Variants in MNS1 observed in about 807,000 individuals in gnomAD.
MNS1 encodes meiosis specific nuclear structural 1.
MNS1 carries 63 observed loss-of-function variants against 72.0 expected under a neutral mutation model. The ratio of observed to expected loss-of-function variants is 0.87; its 90% CI spans 0.71 to 1.08. The LOEUF is 1.08. MNS1 is among the 50% of genes least tolerant of loss of function. The pLI, the probability that MNS1 is intolerant of heterozygous loss-of-function variation, is 0.00. For missense variants in MNS1, 604 were observed against 562.4 expected (o/e 1.07, Z -0.75); for synonymous variants, 188 against 172.1 (o/e 1.09, Z -0.72).
intron 8 of MNS1, 96 bp downstream of exon 8, chr15:56,434,042 G>T: frequency 7.6e-7 from 1 of 1,309,430 alleles, no homozygotes; most frequent in South Asian, 1.5e-5. Flanking sequence ...AACATTGTCT[G>T]GCATATAAAG....
At chr15:56,442,947 G>A (rs569253430) in intron 7 of MNS1, among the ~76,000 whole-genome samples, 8 of 152,046 alleles carry the variant, frequency 5.3e-5, no homozygotes, top group Admixed American at 3.3e-4. Context: ...TTGTGGATTT[G>A]CCTCTTTCTC....
chr15:56,462,396 C>G (rs2051029277), intron 2 of MNS1, among the ~76,000 whole-genome samples: 1 of 152,118 alleles, frequency 6.6e-6, no homozygotes, highest in Non-Finnish European at 1.5e-5. Flanking sequence ...CATGTGTTCC[C>G]TGTTGTGACA....
At chr15:56,456,774 T>A (rs755526739) in intron 2 of MNS1, among the ~76,000 whole-genome samples, 2 of 152,160 alleles carry the variant, frequency 1.3e-5, no homozygotes, top group Non-Finnish European at 2.9e-5. Context: ...TTTTCAAAAA[T>A]TGTCGACATT....
chr15:56,464,836 T>G, intron 1 of MNS1, 134 bp downstream of exon 1: 1 of 1,323,816 alleles, frequency 7.6e-7, no homozygotes, highest in South Asian at 1.3e-5. Flanking sequence ...ACCTGAAGCC[T>G]CCGAAAGCAA....
intron 4 of MNS1, among the ~76,000 whole-genome samples, chr15:56,446,190 T>G (rs1175093814): frequency 6.6e-6 from 1 of 152,064 alleles, no homozygotes; most frequent in Non-Finnish European, 1.5e-5. Context: ...AATAGATATG[T>G]ATGTGTATAT....
intron 7 of MNS1, among the ~76,000 whole-genome samples, chr15:56,435,297 A>T (rs1024770854): frequency 6.6e-6 from 1 of 152,036 alleles, no homozygotes; most frequent in South Asian, 2.1e-4. Flanking sequence ...AACCCAAAAT[A>T]TGCAGAAGGA....
intron 7 of MNS1, among the ~76,000 whole-genome samples, chr15:56,437,495 C>G (rs1435265392): frequency 2.6e-5 from 4 of 152,066 alleles, no homozygotes; most frequent in Non-Finnish European, 5.9e-5. Context: ...TATGACAAAC[C>G]CACAGCCAAT....
intron 3 of MNS1, among the ~76,000 whole-genome samples, chr15:56,448,205 G>A (rs1367453863): frequency 6.6e-6 from 1 of 152,170 alleles, no homozygotes; most frequent in African/African-American, 2.4e-5. Flanking sequence ...CACGTTCAGC[G>A]TTTTAAGAAG....
At chr15:56,431,807 T>C (rs889376668) in intron 8 of MNS1, among the ~76,000 whole-genome samples, 7 of 152,040 alleles carry the variant, frequency 4.6e-5, no homozygotes, top group Non-Finnish European at 5.9e-5. Context: ...AAATATTTAC[T>C]GAATGCTTAC....
chr15:56,456,351 A>C, intron 3 of MNS1, 43 bp downstream of exon 3: 1 of 1,558,820 alleles, frequency 6.4e-7, no homozygotes, highest in Non-Finnish European at 8.6e-7. Context: ...TAAGAGTTTA[A>C]AGATAAAGAC....
rs532855352 is a variant in MNS1, at chr15:56,461,368, A to G, written c.225+2658T>C. On this transcript the variant is annotated intron_variant, in intron 2 of 9. Transcript: ENST00000260453. ...CAAAGATTAAGGAAATATTGTCAAA[A>G]GGACACAGAGGGCCAGGTGCAGTGG... Among the ~76,000 whole-genome samples the G allele has an allele frequency of 9.7e-4, 148 of 152,312 alleles. 1 individual carries two copies. The highest frequency in any genetic ancestry group is 3.4e-3 in the African/African-American group (142 of 41,570).
In MNS1 at chr15:56,443,677, A is replaced by G; in HGVS notation, c.864T>C (p.Val288=). The G allele has an allele frequency of 6.2e-7, 1 of 1,613,216 alleles. No individual in the cohort carries two copies. Among genetic ancestry groups the G allele is most frequent in the South Asian group, 1.1e-5 (1 of 90,902 alleles). Residue 288 remains valine (V), a synonymous_variant, in exon 6 of 10, where the codon GTT becomes GTC. Transcript: ENST00000260453. ...QQREEDRMAK[V]QENEEKRLQL... ...GTAGCCTTTTCTCCTCATTTTCTTGAACTTTTGCCATCCGATCTTCTTCTC... is the reference window on the plus strand; with the variant it reads ...GTAGCCTTTTCTCCTCATTTTCTTGGACTTTTGCCATCCGATCTTCTTCTC...
At chr15:56,438,060 A>C (rs1463392346) in intron 7 of MNS1, among the ~76,000 whole-genome samples, 4 of 152,218 alleles carry the variant, frequency 2.6e-5, no homozygotes, top group Non-Finnish European at 5.9e-5. Flanking sequence ...TTACAGATTC[A>C]ATGCCATCCA....
At chr15:56,430,693 A>ATCTT (rs1453608231) in intron 9 of MNS1, among the ~76,000 whole-genome samples, 1 of 152,194 alleles carries the variant, frequency 6.6e-6, no homozygotes, top group Non-Finnish European at 1.5e-5. Context: ...ACACATTCTC[A>ATCTT]TCTTTGGCAT....
intron 7 of MNS1, among the ~76,000 whole-genome samples, chr15:56,435,956 T>G (rs1302720261): frequency 1.3e-5 from 2 of 152,050 alleles, no homozygotes; most frequent in East Asian, 1.9e-4. Flanking sequence ...GACCAAGTAG[T>G]GTTTATTACA....
At chr15:56,443,592 A>T in intron 6 of MNS1, 46 bp downstream of exon 6, 1 of 1,584,660 alleles carries the variant, frequency 6.3e-7, no homozygotes, top group South Asian at 1.2e-5. Context: ...TCTGTAACTA[A>T]TATTTCAGAA....
At position 56,449,650 on chromosome 15, in the gene MNS1, A is replaced by G. The variant is rs567530336; in HGVS notation, c.354-2707T>C. On this transcript the variant is annotated intron_variant, in intron 3 of 9. Transcript: ENST00000260453. Reference sequence around the variant, plus strand: ...TACAGAACTACATAAGATTGGTGTTACTTTGTCCTGAATGTTTGGTAAAAT... The same window carrying G: ...TACAGAACTACATAAGATTGGTGTTGCTTTGTCCTGAATGTTTGGTAAAAT... Among the ~76,000 whole-genome samples the G allele has an allele frequency of 1.0e-3, 155 of 152,218 alleles. 1 individual carries two copies. The highest frequency in any genetic ancestry group is 3.6e-3 in the African/African-American group (151 of 41,558).
At chr15:56,429,340 T>C in intron 9 of MNS1, 147 bp from the exon 10 acceptor site, 1 of 580,296 alleles carries the variant, frequency 1.7e-6, no homozygotes, top group Non-Finnish European at 2.9e-6. Context: ...AAAAAATCAA[T>C]ACTTTTCAAA....
rs1043727963 is a variant in MNS1, at chr15:56,434,009, A to G, written c.1269+129T>C. On this transcript the variant is annotated intron_variant, in intron 8 of 9. Coordinates refer to ENST00000260453, the MANE Select transcript of MNS1 (RefSeq NM_018365.4). Reference sequence around the variant, plus strand: ...AGAAGCAAAAATGGTCAGAAAATTTATATATATATTAGTAAACATACTAAC... The same window carrying G: ...AGAAGCAAAAATGGTCAGAAAATTTGTATATATATTAGTAAACATACTAAC... 4 of 800,662 alleles carry G rather than the reference A, an allele frequency of 5.0e-6. No individual in the cohort carries two copies. In the African/African-American group the frequency reaches 7.1e-5, roughly 14 times the overall value. The allele number at this position is 800,662 out of a possible 1,614,324, so 49.6% of individuals were successfully genotyped here.
Sources: gnomAD v4.1 joint callset for allele counts (sites outside exome capture counted in the v4.1 genomes callset) on GRCh38, gnomAD v4.1.1 for gene constraint, MANE v1.5 for transcripts, NCBI Gene and HGNC (gene_info 2026-07-23, HGNC 2026-07-21) for gene names.